The following FBXL17 variants were observed in gnomAD, a reference collection of about 807,000 sequenced individuals.
FBXL17 encodes the protein F-box and leucine rich repeat protein 17, also known as F-box/LRR-repeat protein 17.
A neutral mutation model predicts 66.2 loss-of-function variants in FBXL17; 22 were observed. The observed-to-expected ratio is 0.33, with a 90% CI of 0.24 to 0.47. The LOEUF is 0.47. FBXL17 is among the 20% of genes least tolerant of loss of function. The pLI is 1.00. For missense variants in FBXL17, 878 were observed against 948.2 expected (o/e 0.93, Z 0.97); for synonymous variants, 474 against 400.5 (o/e 1.18, Z -2.19).
At chr5:108,057,504 C>T (rs1458525165) in intron 6 of FBXL17, among the ~76,000 whole-genome samples, 1 of 152,126 alleles carries the variant, frequency 6.6e-6, no homozygotes, top group South Asian at 2.1e-4. Flanking sequence ...TCCATCTCCC[C>T]AAGCTCTATA....
In FBXL17 at chr5:108,381,742, G is replaced by A; in HGVS notation, c.-51C>T. ...GGGACGGGAGGGAGGGAGACCCAGA[G>A]AGGCGGGCTCCCGGCAGCGGGGCAG... On this transcript the variant is annotated 5_prime_UTR_variant, in exon 1 of 9. Transcript: ENST00000542267. 1.4e-6 allele frequency: 2 copies of A among 1,381,708 alleles called. No homozygotes were observed. Among genetic ancestry groups the A allele is most frequent in the Non-Finnish European group, 9.3e-7 (1 of 1,074,030 alleles). 85.6% of individuals were successfully genotyped at this position (1,381,708 alleles called of 1,614,324 possible).
intron 4 of FBXL17, among the ~76,000 whole-genome samples, chr5:108,247,913 T>C (rs1437445499): frequency 1.3e-5 from 2 of 152,174 alleles, no homozygotes; most frequent in African/African-American, 4.8e-5. Flanking sequence ...ACTCTGGACA[T>C]TATTTATAAA....
intron 7 of FBXL17, among the ~76,000 whole-genome samples, chr5:108,004,147 T>C (rs975720605): frequency 1.3e-5 from 2 of 152,080 alleles, no homozygotes; most frequent in African/African-American, 4.8e-5. Flanking sequence ...CAGAAGACAG[T>C]GGGATAATAT....
intron 7 of FBXL17, among the ~76,000 whole-genome samples, chr5:107,937,220 C>T (rs1005258351): frequency 9.2e-5 from 14 of 152,056 alleles, no homozygotes; most frequent in Non-Finnish European, 1.6e-4. Context: ...TGTGAAACAT[C>T]CAATAATCAT....
intron 7 of FBXL17, among the ~76,000 whole-genome samples, chr5:107,930,743 A>C (rs2112574409): frequency 6.6e-6 from 1 of 152,326 alleles, no homozygotes; most frequent in African/African-American, 2.4e-5. Context: ...TTGTTGTGTT[A>C]CCTATTTATA....
chr5:108,174,599 C>T (rs1023992251), intron 6 of FBXL17, among the ~76,000 whole-genome samples: 3 of 152,000 alleles, frequency 2.0e-5, no homozygotes, highest in Non-Finnish European at 4.4e-5. Flanking sequence ...TGAACCTGGC[C>T]TTAATCAGTG....
rs1172029275 is a variant in FBXL17, at chr5:108,220,287, T to C, written c.1614+3834A>G. 2.0e-5 allele frequency among the ~76,000 whole-genome samples: 3 copies of C among 152,294 alleles called. No homozygotes were observed. The East Asian group carries it at 5.8e-4, about 29-fold the overall frequency. Reference sequence around the variant, plus strand: ...TGAAATCTGGCTGTTTTGGTCTCCCTGGCCTTTCTGTTCTGTTTTGTCAAC... The same window carrying C: ...TGAAATCTGGCTGTTTTGGTCTCCCCGGCCTTTCTGTTCTGTTTTGTCAAC... On this transcript the variant is annotated intron_variant, in intron 5 of 8. Transcript: ENST00000542267.
chr5:108,021,045 A>C lies in FBXL17; in HGVS notation c.1746-44T>G, dbSNP rs758004910. The C allele has an allele frequency of 3.6e-6, 5 of 1,388,594 alleles. No individual in the cohort carries two copies. The South Asian group carries it at 5.8e-5, about 16-fold the overall frequency. The allele number at this position is 1,388,594 out of a possible 1,614,324, so 86.0% of individuals were successfully genotyped here. On this transcript the variant is annotated intron_variant, in intron 6 of 8. Transcript: ENST00000542267. ...GGTTATACTAATGCGTTTCAAGTTA[A>C]ATTAGCAGGGGTTTGAATATAATAG...
chr5:108,254,339 G>A (rs1346908733), intron 4 of FBXL17, among the ~76,000 whole-genome samples: 3 of 152,138 alleles, frequency 2.0e-5, no homozygotes, highest in Non-Finnish European at 4.4e-5. Flanking sequence ...TGGTATTTTA[G>A]AGGAGACAAG....
intron 4 of FBXL17, among the ~76,000 whole-genome samples, chr5:108,275,530 A>C (rs945249814): frequency 6.6e-6 from 1 of 152,148 alleles, no homozygotes; most frequent in African/African-American, 2.4e-5. Context: ...CAAATGTTTT[A>C]CTATCTTTGC....
intron 6 of FBXL17, among the ~76,000 whole-genome samples, chr5:108,070,780 C>T (rs1400268536): frequency 6.6e-6 from 1 of 152,124 alleles, no homozygotes; most frequent in African/African-American, 2.4e-5. Context: ...CTGAATAGTT[C>T]GAGAGTGCAG....
intron 6 of FBXL17, among the ~76,000 whole-genome samples, chr5:108,025,420 C>T (rs1199386717): frequency 6.6e-6 from 1 of 152,020 alleles, no homozygotes; most frequent in African/African-American, 2.4e-5. Context: ...CAAAAACAAC[C>T]CCACAGATCT....
intron 6 of FBXL17, among the ~76,000 whole-genome samples, chr5:108,023,386 T>C (rs1392818464): frequency 6.6e-6 from 1 of 152,122 alleles, no homozygotes; most frequent in Non-Finnish European, 1.5e-5. Flanking sequence ...GTGGTTGAAA[T>C]AGGTAGATAA....
intron 5 of FBXL17, among the ~76,000 whole-genome samples, chr5:108,205,507 A>G (rs902796963): frequency 1.3e-5 from 2 of 152,120 alleles, no homozygotes; most frequent in African/African-American, 2.4e-5. Flanking sequence ...TTCAAGCAAA[A>G]TCTCCACATC....
Position 107,997,012 on chromosome 5 carries a change from C to A in FBXL17, c.1822+23913G>T, listed in dbSNP as rs191609174. 1.4e-4 allele frequency among the ~76,000 whole-genome samples: 21 copies of A among 152,280 alleles called. No individual in the cohort carries two copies. In the South Asian group the frequency reaches 2.5e-3, roughly 18 times the overall value. On this transcript the variant is annotated intron_variant, in intron 7 of 8. Coordinates refer to ENST00000542267, the MANE Select transcript of FBXL17 (RefSeq NM_001163315.3). ...GAGGAATATGCACATGTTCTTATAA[C>A]CAGTTAATATCAGGGCTGAGACTGG...
chr5:108,361,558 C>T (rs551559791), intron 3 of FBXL17, among the ~76,000 whole-genome samples: 2 of 152,178 alleles, frequency 1.3e-5, no homozygotes, highest in East Asian at 1.9e-4. Flanking sequence ...AAATTCCCTT[C>T]TATACACTGA....
intron 4 of FBXL17, among the ~76,000 whole-genome samples, chr5:108,293,650 C>T (rs73214571): frequency 0.016 from 2,467 of 152,106 alleles, 65 homozygotes; most frequent in African/African-American, 0.054. Context: ...AGATGAAACA[C>T]CATAAAAAGC....
chr5:108,256,206 C>T (rs1264378089), intron 4 of FBXL17, among the ~76,000 whole-genome samples: 2 of 152,110 alleles, frequency 1.3e-5, no homozygotes, highest in Non-Finnish European at 2.9e-5. Flanking sequence ...ACATTTACAT[C>T]CCCTGCTATG....
At chr5:108,003,930 T>C (rs1753833404) in intron 7 of FBXL17, among the ~76,000 whole-genome samples, 1 of 152,158 alleles carries the variant, frequency 6.6e-6, no homozygotes, top group African/African-American at 2.4e-5. Context: ...GTTTGAAACT[T>C]TCCCCAAACT....
Sources: gnomAD v4.1 joint callset for allele counts (sites outside exome capture counted in the v4.1 genomes callset) on GRCh38, gnomAD v4.1.1 for gene constraint, MANE v1.5 for transcripts, NCBI Gene and HGNC (gene_info 2026-07-23, HGNC 2026-07-21) for gene names.